GALNT13: variants seen among roughly 807,000 people sequenced by gnomAD.
GALNT13 encodes UDP-GalNAc:polypeptide N-acetylgalactosaminyltransferase 13.
In GALNT13, 28 loss-of-function variants were observed where a neutral mutation model predicts 64.2. The ratio of observed to expected loss-of-function variants is 0.44; its 90% CI spans 0.32 to 0.60. GALNT13 has a LOEUF of 0.60. GALNT13 is among the 20% of genes least tolerant of loss of function. The probability of loss-of-function intolerance (pLI) is 0.05; values close to 1 mark genes in which losing one functional copy is unlikely to be tolerated. For missense variants in GALNT13, 577 were observed against 669.8 expected (o/e 0.86, Z 1.53); for synonymous variants, 214 against 224.6 (o/e 0.95, Z 0.42).
intron 3 of GALNT13, among the ~76,000 whole-genome samples, chr2:154,074,405 A>T (rs905234378): frequency 6.6e-6 from 1 of 151,950 alleles, no homozygotes; most frequent in Non-Finnish European, 1.5e-5. Flanking sequence ...TTTATTGAGG[A>T]CAATTAGGTT....
the GALNT13 span, among the ~76,000 whole-genome samples, chr2:153,815,889 T>A: frequency 6.6e-6 from 1 of 152,198 alleles, no homozygotes; most frequent in Non-Finnish European, 1.5e-5. Context: ...TCACCCAAGG[T>A]TTTAAACCTA....
At chr2:154,243,018 T>G in intron 6 of GALNT13, 113 bp downstream of exon 6, 1 of 834,920 alleles carries the variant, frequency 1.2e-6, no homozygotes, top group Non-Finnish European at 1.8e-6. Flanking sequence ...GTTTATTTTA[T>G]AGCTTTTCTT....
At chr2:153,648,262 CTGTT>C in the GALNT13 span, among the ~76,000 whole-genome samples, 8 of 152,102 alleles carry the variant, frequency 5.3e-5, no homozygotes, top group Non-Finnish European at 1.2e-4. Flanking sequence ...ATTTGGTTCT[CTGTT>C]TGTCTGATAT....
the GALNT13 span, among the ~76,000 whole-genome samples, chr2:153,759,060 G>T: frequency 2.0e-5 from 3 of 152,100 alleles, no homozygotes; most frequent in African/African-American, 7.2e-5. Flanking sequence ...CTTAGTAGCT[G>T]CTGTAAATGA....
chr2:153,536,768 A>G, the GALNT13 span, among the ~76,000 whole-genome samples: 3 of 152,226 alleles, frequency 2.0e-5, no homozygotes, highest in African/African-American at 7.2e-5. Flanking sequence ...TGTAAATCAG[A>G]AATTTTAAAA....
chr2:154,184,367 A>G (rs1686135176), intron 4 of GALNT13, among the ~76,000 whole-genome samples: 1 of 152,112 alleles, frequency 6.6e-6, no homozygotes, highest in Non-Finnish European at 1.5e-5. Flanking sequence ...TTTTGATTGA[A>G]TAATTTAACT....
intron 4 of GALNT13, among the ~76,000 whole-genome samples, chr2:154,144,143 A>G (rs1317582077): frequency 6.6e-6 from 1 of 152,142 alleles, no homozygotes; most frequent in African/African-American, 2.4e-5. Flanking sequence ...AAACTACAGT[A>G]TATGTTATAA....
the GALNT13 span, among the ~76,000 whole-genome samples, chr2:153,229,448 G>C: frequency 6.6e-6 from 1 of 152,154 alleles, no homozygotes; most frequent in South Asian, 2.1e-4. Flanking sequence ...TTAATCAGCA[G>C]CCTTTTGTAA....
chr2:154,021,218 T>C (rs1697458566), intron 3 of GALNT13, among the ~76,000 whole-genome samples: 1 of 152,150 alleles, frequency 6.6e-6, no homozygotes, highest in Admixed American at 6.5e-5. Flanking sequence ...TTTAAATTAG[T>C]TTTTTCCAAT....
chr2:153,110,068 A>C, the GALNT13 span, among the ~76,000 whole-genome samples: 57 of 152,282 alleles, frequency 3.7e-4, no homozygotes, highest in Non-Finnish European at 6.8e-4. Flanking sequence ...AGATGGTTTT[A>C]AATGAAGACA....
the GALNT13 span, among the ~76,000 whole-genome samples, chr2:153,580,629 G>A: frequency 6.6e-6 from 1 of 152,156 alleles, no homozygotes; most frequent in African/African-American, 2.4e-5. Flanking sequence ...AAAAATAGAG[G>A]AAAGGAGTTT....
At chr2:154,023,791 G>T (rs1697721414) in intron 3 of GALNT13, among the ~76,000 whole-genome samples, 1 of 152,114 alleles carries the variant, frequency 6.6e-6, no homozygotes, top group Non-Finnish European at 1.5e-5. Context: ...TCCTAGCCTT[G>T]ATGGTCTTTA....
the GALNT13 span, among the ~76,000 whole-genome samples, chr2:153,219,120 T>C: frequency 6.6e-6 from 1 of 152,240 alleles, no homozygotes; most frequent in Admixed American, 6.5e-5. Context: ...AGATAATTAA[T>C]AGACTGTATG....
chr2:153,674,938 T>C, the GALNT13 span, among the ~76,000 whole-genome samples: 2 of 152,114 alleles, frequency 1.3e-5, no homozygotes, highest in South Asian at 2.1e-4. Context: ...AACAGACATA[T>C]GAAAAAATGC....
chr2:154,094,554 A>T (rs1387366558), intron 3 of GALNT13, among the ~76,000 whole-genome samples: 2 of 152,042 alleles, frequency 1.3e-5, no homozygotes, highest in Non-Finnish European at 2.9e-5. Context: ...CAAATAAAAA[A>T]TTAAGATTTA....
chr2:153,163,620 A>G, the GALNT13 span, among the ~76,000 whole-genome samples: 1 of 152,144 alleles, frequency 6.6e-6, no homozygotes, highest in Non-Finnish European at 1.5e-5. Context: ...ATAACCTGGA[A>G]TAAGTCTCCA....
chr2:154,203,406 A>T (rs1687275750), intron 4 of GALNT13, among the ~76,000 whole-genome samples: 1 of 152,196 alleles, frequency 6.6e-6, no homozygotes, highest in Non-Finnish European at 1.5e-5. Flanking sequence ...CAGTTGTAAC[A>T]GAATTGTCTT....
chr2:154,343,679 A>G (rs893517860), intron 9 of GALNT13, among the ~76,000 whole-genome samples: 3 of 152,078 alleles, frequency 2.0e-5, no homozygotes, highest in African/African-American at 7.2e-5. Flanking sequence ...ATCTTCTTGA[A>G]TATGTGATCT....
At chr2:153,352,738 A>G in the GALNT13 span, among the ~76,000 whole-genome samples, 1 of 151,854 alleles carries the variant, frequency 6.6e-6, no homozygotes, top group South Asian at 2.1e-4. Context: ...TATTGCCTTT[A>G]CTCTGTCAAA....
Sources: gnomAD v4.1 joint callset for allele counts (sites outside exome capture counted in the v4.1 genomes callset) on GRCh38, gnomAD v4.1.1 for gene constraint, MANE v1.5 for transcripts, NCBI Gene and HGNC (gene_info 2026-07-23, HGNC 2026-07-21) for gene names.